BDKRB1: variants seen among roughly 807,000 people sequenced by gnomAD.
BDKRB1 encodes B1 bradykinin receptor.
For missense variants in BDKRB1, 414 were observed against 441.4 expected, an observed-to-expected ratio of 0.94 and a Z score of 0.56; for synonymous variants, 192 against 189.1, an observed-to-expected ratio of 1.02 and a Z score of -0.13.
intron 1 of BDKRB1, among the ~76,000 whole-genome samples, chr14:96,257,514 G>A (rs1482654151): frequency 6.6e-6 from 1 of 152,112 alleles, no homozygotes; most frequent in East Asian, 1.9e-4. Flanking sequence ...AGAATTATGG[G>A]AGCTACAACT....
chr14:96,264,204 G>A lies in BDKRB1; in HGVS notation c.522G>A (p.Leu174=), dbSNP rs779487244. The change falls in exon 3 of 3, where the codon CTG becomes CTA. Residue 174 remains leucine, a synonymous_variant. Coordinates refer to ENST00000216629, the MANE Select transcript of BDKRB1 (RefSeq NM_000710.4). ...VGGLLSIPTF[L]LRSIQAVPDL... ...GCCTCTTGAGCATCCCCACATTCCT[G>A]CTGCGATCCATCCAAGCCGTCCCAG... 8.1e-6 allele frequency: 13 copies of A among 1,613,000 alleles called. No individual in the cohort carries two copies. The African/African-American group carries it at 9.3e-5, about 12-fold the overall frequency.
rs373752519 is a variant in BDKRB1 at position 96,264,150 on chromosome 14, C to T, written c.468C>T (p.Val156=). The change falls in exon 3 of 3, where the codon GTC becomes GTT. Residue 156 remains valine (V), a synonymous_variant. Transcript: ENST00000216629. Reference sequence around the variant, plus strand: ...AGCAGCGGCGGAGGCAGGCCCGGGTCACCTGCGTGCTCATCTGGGTTGTGG... The same window carrying T: ...AGCAGCGGCGGAGGCAGGCCCGGGTTACCTGCGTGCTCATCTGGGTTGTGG... ...RRQQRRRQAR[V]TCVLIWVVGG... The T allele has an allele frequency of 1.3e-6, 2 of 1,598,738 alleles. No homozygotes were observed. Among genetic ancestry groups the T allele is most frequent in the Non-Finnish European group, 1.7e-6 (2 of 1,171,750 alleles).
intron 1 of BDKRB1, among the ~76,000 whole-genome samples, chr14:96,257,424 A>G (rs948461288): frequency 6.6e-6 from 1 of 152,224 alleles, no homozygotes; most frequent in African/African-American, 2.4e-5. Context: ...TCGCTGAGCT[A>G]AAGTCAAGAT....
chr14:96,259,948 A>G (rs1566702480), intron 1 of BDKRB1: 1 of 152,204 alleles, frequency 6.6e-6, no homozygotes, highest in African/African-American at 2.4e-5. Flanking sequence ...ATCTAAGGGA[A>G]AAGTCATGCC....
At chr14:96,259,091 T>C (rs949846290) in intron 1 of BDKRB1, among the ~76,000 whole-genome samples, 3 of 152,226 alleles carry the variant, frequency 2.0e-5, no homozygotes, top group Admixed American at 2.0e-4. Flanking sequence ...TTTTATAATT[T>C]TTCTGCATAC....
At chr14:96,258,832 T>A (rs1265856401) in intron 1 of BDKRB1, among the ~76,000 whole-genome samples, 1 of 151,752 alleles carries the variant, frequency 6.6e-6, no homozygotes, top group African/African-American at 2.4e-5. Flanking sequence ...CCACACGTAT[T>A]TTTTTTTAAC....
In BDKRB1 at chr14:96,263,908, C is replaced by A. The variant is rs756127924; in HGVS notation, c.226C>A (p.Leu76Met). Reference sequence around the variant, plus strand: ...GCAACTGAACGTGGCAGAAATCTACCTGGCCAACCTGGCAGCCTCTGATCT... The same window carrying A: ...GCAACTGAACGTGGCAGAAATCTACATGGCCAACCTGGCAGCCTCTGATCT... ...RRQLNVAEIY[L>M]ANLAASDLVF... is the part of the protein sequence containing the mutation. Residue 76 changes from leucine to methionine, a missense_variant, in exon 3 of 3, where the codon CTG becomes ATG. Transcript: ENST00000216629. 6 of 1,614,122 alleles carry A rather than the reference C, an allele frequency of 3.7e-6. No individual in the cohort carries two copies. The African/African-American group carries it at 8.0e-5, about 22-fold the overall frequency.
In BDKRB1 at chr14:96,262,635, TGTTG is replaced by T; in HGVS notation, c.-129-16_-129-13del. ...TTTTTTTTTTTTTTTTTGTTGTTGTTGTTGTTGTTGAGACAGGGTCTCAGTCCGT... is the reference window on the plus strand; with the variant it reads ...TTTTTTTTTTTTTTTTTGTTGTTGTTTTGTTGAGACAGGGTCTCAGTCCGT... On this transcript the variant is annotated splice_polypyrimidine_tract_variant and intron_variant, in intron 1 of 2. Transcript: ENST00000216629. The T allele has an allele frequency of 2.3e-6, 1 of 427,400 alleles. No homozygotes were observed. 26.5% of individuals were successfully genotyped at this position (427,400 alleles called of 1,614,324 possible).
intron 1 of BDKRB1, among the ~76,000 whole-genome samples, chr14:96,257,303 C>T (rs1885639169): frequency 6.6e-6 from 1 of 152,208 alleles, no homozygotes; most frequent in African/African-American, 2.4e-5. Flanking sequence ...GCAGCCTCAC[C>T]CCCGTGCTGG....
At chr14:96,258,363 A>G (rs1024135217) in intron 1 of BDKRB1, among the ~76,000 whole-genome samples, 7 of 152,318 alleles carry the variant, frequency 4.6e-5, no homozygotes, top group African/African-American at 1.4e-4. Context: ...TTTTACAATT[A>G]ACAAATTTAA....
At chr14:96,260,327 C>A (rs550132356) in intron 1 of BDKRB1, among the ~76,000 whole-genome samples, 2 of 152,210 alleles carry the variant, frequency 1.3e-5, no homozygotes, top group East Asian at 3.9e-4. Flanking sequence ...CAGCCTGGTG[C>A]AATGTTCTTA....
intron 1 of BDKRB1, among the ~76,000 whole-genome samples, chr14:96,259,044 C>A (rs957167378): frequency 3.3e-5 from 5 of 152,140 alleles, no homozygotes. Context: ...AAAATTAACT[C>A]TTGTACAGCA....
rs749702636 is a variant in BDKRB1 at position 96,264,131 on chromosome 14, G to A, written c.449G>A (p.Arg150Gln). The A allele has an allele frequency of 4.2e-5, 67 of 1,594,248 alleles. No individual in the cohort carries two copies. In the Admixed American group the frequency reaches 8.8e-4, roughly 21 times the overall value. ...CCTATGGCCAGCCGGAGGCAGCAGC[G>A]GCGGAGGCAGGCCCGGGTCACCTGC... Reference protein sequence around the residue: ...VHPMASRRQQRRRQARVTCVL... With the variant: ...VHPMASRRQQQRRQARVTCVL... The change falls in exon 3 of 3, where the codon CGG (arginine) becomes CAG (glutamine). Residue 150 changes from arginine (R) to glutamine (Q), a missense_variant. Arg to Gln is a conservative substitution (Grantham distance 43, BLOSUM62 1). Transcript: ENST00000216629.
At chr14:96,257,202 G>T (rs1415484081) in intron 1 of BDKRB1, among the ~76,000 whole-genome samples, 1 of 152,146 alleles carries the variant, frequency 6.6e-6, no homozygotes, top group Admixed American at 6.5e-5. Flanking sequence ...CCACCTCCCC[G>T]TCCTGGGGAT....
At position 96,263,872 on chromosome 14, in the gene BDKRB1, C is replaced by T. The variant is rs201013948; in HGVS notation, c.190C>T (p.Leu64=). Residue 64 remains leucine, a synonymous_variant, in exon 3 of 3, where the codon CTG becomes TTG. Coordinates refer to ENST00000216629, the MANE Select transcript of BDKRB1 (RefSeq NM_000710.4). ...CCTTTTTGTCCTGTTGGTCTTCCTC[C>T]TGCCCCGGCGGCAACTGAACGTGGC... is the stretch of plus-strand genomic sequence containing the variant. The part of the protein sequence containing the change: ...GNLFVLLVFL[L]PRRQLNVAEI... 5.0e-6 allele frequency: 8 copies of T among 1,614,236 alleles called. No homozygotes were observed. The highest frequency in any genetic ancestry group is 5.1e-6 in the Non-Finnish European group (6 of 1,180,044).
chr14:96,259,479 A>G lies in BDKRB1; in HGVS notation c.-129-3173A>G, dbSNP rs565456472. On this transcript the variant is annotated intron_variant, in intron 1 of 2. Coordinates refer to ENST00000216629, the MANE Select transcript of BDKRB1 (RefSeq NM_000710.4). ...GAATATTGACATTTATTTATATGCA[A>G]TAACAAATTGTGTGTGCACCATGAC... 12 of 152,334 alleles carry G rather than the reference A, an allele frequency of 7.9e-5. No homozygotes were observed. The East Asian group carries it at 1.3e-3, about 17-fold the overall frequency. The allele number at this position is 152,334 out of a possible 1,614,324, so 9.4% of individuals were successfully genotyped here. A position where few individuals can be genotyped will look rare whatever the true frequency, so the allele number is the denominator to read the frequency against.
At chr14:96,261,250 A>G (rs1448738781) in intron 1 of BDKRB1, among the ~76,000 whole-genome samples, 1 of 152,188 alleles carries the variant, frequency 6.6e-6, no homozygotes, top group Non-Finnish European at 1.5e-5. Context: ...ATTGTTTATC[A>G]ACTTCTTCCT....
chr14:96,264,272 C>A lies in BDKRB1; in HGVS notation c.590C>A (p.Ala197Asp). The change falls in exon 3 of 3, where the codon GCC (alanine) becomes GAC (aspartate). Residue 197 changes from alanine (A) to aspartate (D), a missense_variant. Transcript: ENST00000216629. ...TACILLLPHE[A>D]WHFARIVELN... ...TGCATCCTGCTCCTCCCCCATGAGG[C>A]CTGGCACTTTGCAAGGATTGTGGAG... The A allele has an allele frequency of 1.2e-6, 2 of 1,614,228 alleles. No homozygotes were observed. The highest frequency in any genetic ancestry group is 1.7e-6 in the Non-Finnish European group (2 of 1,180,038).
intron 1 of BDKRB1, among the ~76,000 whole-genome samples, chr14:96,258,351 A>G (rs1566702076): frequency 6.6e-6 from 1 of 152,128 alleles, no homozygotes; most frequent in Non-Finnish European, 1.5e-5. Context: ...TTTTTCCACA[A>G]ATTTTACAAT....
Sources: allele counts gnomAD v4.1 joint callset (sites outside exome capture counted in the v4.1 genomes callset), GRCh38; gene constraint gnomAD v4.1.1; transcripts MANE v1.5; gene names NCBI Gene and HGNC (gene_info 2026-07-23, HGNC 2026-07-21).